DPP10: variants seen among roughly 807,000 people sequenced by gnomAD.
The protein encoded by DPP10 is inactive dipeptidyl peptidase 10.
A neutral mutation model predicts 120.9 loss-of-function variants in DPP10; 33 were observed. That is an observed-to-expected ratio of 0.27 (90% CI 0.21 to 0.37). The LOEUF (loss-of-function observed/expected upper bound fraction) is 0.37, where lower values mean the gene tolerates loss of function less well. Ranked by LOEUF, DPP10 falls within the 10% of genes least tolerant of loss-of-function variation. DPP10 has a pLI of 1.00. For missense variants in DPP10, 816 were observed against 942.8 expected, an observed-to-expected ratio of 0.87 and a Z score of 1.76; for synonymous variants, 337 against 326.1, an observed-to-expected ratio of 1.03 and a Z score of -0.36.
At chr2:114,956,759 T>C (rs1451758584) in intron 1 of DPP10, among the ~76,000 whole-genome samples, 2 of 152,048 alleles carry the variant, frequency 1.3e-5, no homozygotes, top group African/African-American at 4.8e-5. Context: ...CATTGACAAA[T>C]GGAACAGTAT....
intron 1 of DPP10, among the ~76,000 whole-genome samples, chr2:115,139,724 TAAAAAAAAAAAAAAAA>T (rs55826687): frequency 8.8e-5 from 5 of 56,634 alleles, no homozygotes; most frequent in African/African-American, 3.6e-4. Flanking sequence ...GTAAAAATAC[TAAAAAAAAAAAAAAAA>T]AAAAAAAAAA....
At chr2:115,127,931 T>A (rs74576603) in intron 1 of DPP10, among the ~76,000 whole-genome samples, 11,709 of 152,228 alleles carry the variant, frequency 0.077, 1,483 homozygotes, top group African/African-American at 0.27. Flanking sequence ...TATTTTAACT[T>A]TCTTTTGTTT....
chr2:115,442,811 G>A (rs2072201111), intron 3 of DPP10, among the ~76,000 whole-genome samples: 1 of 152,070 alleles, frequency 6.6e-6, no homozygotes, highest in African/African-American at 2.4e-5. Context: ...GAAATGTAAG[G>A]GGCCTTAACA....
intron 3 of DPP10, among the ~76,000 whole-genome samples, chr2:115,495,673 A>T (rs952046296): frequency 6.6e-6 from 1 of 152,158 alleles, no homozygotes; most frequent in Non-Finnish European, 1.5e-5. Context: ...TTATGGGAAA[A>T]AAAATTGGAT....
Position 115,377,729 on chromosome 2 carries a change from A to G in DPP10, c.271+33817A>G, listed in dbSNP as rs1220932555. 5.3e-5 allele frequency among the ~76,000 whole-genome samples: 8 copies of G among 151,960 alleles called. No individual in the cohort carries two copies. The South Asian group carries it at 8.3e-4, about 16-fold the overall frequency. On this transcript the variant is annotated intron_variant, in intron 3 of 25. Transcript: ENST00000410059. ...TAATCCATCTTGAATTGATTTTTGT[A>G]TAAGGTGTAAGGAAGGGATCCAGTT...
chr2:114,735,540 A>G (rs867131322), intron 1 of DPP10, among the ~76,000 whole-genome samples: 11 of 152,134 alleles, frequency 7.2e-5, no homozygotes, highest in Admixed American at 5.2e-4. Flanking sequence ...CCTTCCACTT[A>G]TGAGATTTTC....
intron 1 of DPP10, among the ~76,000 whole-genome samples, chr2:115,097,766 C>G (rs1305547417): frequency 6.6e-6 from 1 of 152,168 alleles, no homozygotes. Context: ...AAAGCTTATT[C>G]TGCCACCTAG....
chr2:114,910,812 T>C (rs1694311193), intron 1 of DPP10, among the ~76,000 whole-genome samples: 1 of 152,158 alleles, frequency 6.6e-6, no homozygotes, highest in Admixed American at 6.5e-5. Context: ...ATATAGGGTT[T>C]AAATTTTGAT....
intron 1 of DPP10, among the ~76,000 whole-genome samples, chr2:114,477,882 T>TATATATGTACATATGTGTATATATGTAC (rs1680605786): frequency 6.7e-6 from 1 of 149,094 alleles, no homozygotes; most frequent in Non-Finnish European, 1.5e-5. Context: ...CATATATGTG[T>TATATATGTACATATGTGTATATATGTAC]ATATATGTAC....
chr2:114,688,212 G>A lies in DPP10; in HGVS notation c.60+245374G>A, dbSNP rs187632742. On this transcript the variant is annotated intron_variant, in intron 1 of 25. Coordinates refer to ENST00000410059, the MANE Select transcript of DPP10 (RefSeq NM_020868.6). ...AATGATTAGTCACGTGGAGAAGAGG[G>A]TGGGGCTAGCCTGTGGAAAGTCACA... is the stretch of plus-strand genomic sequence containing the variant. Among the ~76,000 whole-genome samples the A allele has an allele frequency of 3.4e-4, 51 of 152,038 alleles. No homozygotes were observed. In the East Asian group the frequency reaches 8.9e-3, roughly 27 times the overall value.
intron 1 of DPP10, among the ~76,000 whole-genome samples, chr2:115,192,005 A>T (rs1042414328): frequency 7.9e-5 from 12 of 152,166 alleles, no homozygotes; most frequent in African/African-American, 2.9e-4. Context: ...CTTTTTGGGG[A>T]ACAGTTCAGA....
At chr2:114,650,506 T>C (rs557903637) in intron 1 of DPP10, among the ~76,000 whole-genome samples, 21 of 152,354 alleles carry the variant, frequency 1.4e-4, no homozygotes, top group African/African-American at 4.6e-4. Flanking sequence ...TCATTAAGTG[T>C]GCTTTTCAAT....
intron 1 of DPP10, among the ~76,000 whole-genome samples, chr2:114,493,003 T>G (rs1054677063): frequency 1.6e-4 from 25 of 152,182 alleles, no homozygotes; most frequent in Admixed American, 6.6e-4. Context: ...CTATGAGAAA[T>G]AGTAGAAAGC....
intron 1 of DPP10, among the ~76,000 whole-genome samples, chr2:114,709,714 A>G (rs938851761): frequency 1.3e-5 from 2 of 152,206 alleles, no homozygotes; most frequent in Non-Finnish European, 2.9e-5. Flanking sequence ...TAAAGCAAAA[A>G]TACAAATTTA....
At chr2:114,549,167 C>T (rs1687661270) in intron 1 of DPP10, among the ~76,000 whole-genome samples, 3 of 150,462 alleles carry the variant, frequency 2.0e-5, no homozygotes, top group Admixed American at 1.3e-4. Context: ...ACATGCATGC[C>T]GGGGGTGGGC....
At chr2:115,832,103 G>C (rs1688985782) in intron 21 of DPP10, among the ~76,000 whole-genome samples, 1 of 152,156 alleles carries the variant, frequency 6.6e-6, no homozygotes, top group South Asian at 2.1e-4. Context: ...GCCCTCCTCT[G>C]AAGTAAATTT....
At chr2:115,348,443 GT>G (rs916718690) in intron 3 of DPP10, among the ~76,000 whole-genome samples, 9 of 151,210 alleles carry the variant, frequency 6.0e-5, no homozygotes, top group African/African-American at 1.7e-4. Context: ...TACTTATTTT[GT>G]TTTTTCTCGA....
rs193300625 is a variant in DPP10, at chr2:115,444,852, A to G, written c.272-54658A>G. Among the ~76,000 whole-genome samples, 100 of 152,338 alleles carry G rather than the reference A, an allele frequency of 6.6e-4. 1 individual carries two copies. The highest frequency in any genetic ancestry group is 6.4e-3 in the Admixed American group (98 of 15,302). On this transcript the variant is annotated intron_variant, in intron 3 of 25. Transcript: ENST00000410059. Reference sequence around the variant, plus strand: ...TTAGTTTTGCTGGTAGGCCTATAACAAGATTCAATTATCATTAATATTTGG... The same window carrying G: ...TTAGTTTTGCTGGTAGGCCTATAACGAGATTCAATTATCATTAATATTTGG...
chr2:115,018,783 G>A (rs1325679703), intron 1 of DPP10, among the ~76,000 whole-genome samples: 1 of 152,144 alleles, frequency 6.6e-6, no homozygotes, highest in Non-Finnish European at 1.5e-5. Flanking sequence ...GATGGGTGCA[G>A]CAAACCACCA....
Sources: gnomAD v4.1 joint callset for allele counts (sites outside exome capture counted in the v4.1 genomes callset) on GRCh38, gnomAD v4.1.1 for gene constraint, MANE v1.5 for transcripts, NCBI Gene and HGNC (gene_info 2026-07-23, HGNC 2026-07-21) for gene names.